Variants in PSG5 observed in about 807,000 individuals in gnomAD.
The protein encoded by PSG5 is pregnancy specific beta-1-glycoprotein 5, also known as pregnancy-specific beta-1-glycoprotein 5.
A neutral mutation model predicts 37.7 loss-of-function variants in PSG5; 53 were observed. The observed-to-expected ratio is 1.41, with a 90% confidence interval of 1.13 to 1.77. The LOEUF (loss-of-function observed/expected upper bound fraction) is 1.77, where lower values mean the gene tolerates loss of function less well. Among genes scored for constraint, PSG5 ranks in the 40% most tolerant of loss-of-function variants. The pLI is 0.00. For missense variants in PSG5, 547 were observed against 405.2 expected, an observed-to-expected ratio of 1.35 and a Z score of -3.00; for synonymous variants, 221 against 155.4, an observed-to-expected ratio of 1.42 and a Z score of -3.14.
At position 43,180,520 on chromosome 19, in the gene PSG5, C is replaced by G. The variant is rs555435297; in HGVS notation, c.430+4262G>C. ...TTTCAGATTGTGGATTTCTGGATTT[C>G]CGATGCTCAATTCGTAATACTGTAA... On this transcript the variant is annotated intron_variant, in intron 2 of 5. Coordinates refer to ENST00000342951, the MANE Select transcript of PSG5 (RefSeq NM_002781.4). The G allele has an allele frequency of 4.2e-4, 63 of 151,498 alleles. 1 individual carries two copies. Among genetic ancestry groups the G allele is most frequent in the African/African-American group, 1.4e-3 (57 of 41,140 alleles). The allele number at this position is 151,498 out of a possible 1,614,324, so 9.4% of individuals were successfully genotyped here.
chr19:43,172,487 T>C (rs1177351674), intron 4 of PSG5, among the ~76,000 whole-genome samples: 1 of 151,688 alleles, frequency 6.6e-6, no homozygotes, highest in East Asian at 1.9e-4. Flanking sequence ...ATGTAGAAAA[T>C]CCTAAAGGTG....
intron 2 of PSG5, 65 bp downstream of exon 2, chr19:43,184,717 C>T: frequency 6.2e-7 from 1 of 1,605,020 alleles, no homozygotes; most frequent in Non-Finnish European, 8.5e-7. Context: ...CCTGACAATC[C>T]TGTGTGTGTG....
At chr19:43,170,261 T>A (rs2122197794) in intron 4 of PSG5, 123 bp from the exon 5 acceptor site, 1 of 957,022 alleles carries the variant, frequency 1.0e-6, no homozygotes, top group Non-Finnish European at 1.5e-6. Context: ...ACATTATTCC[T>A]CTTGGGAAAT....
intron 2 of PSG5, among the ~76,000 whole-genome samples, chr19:43,184,064 C>T (rs1969189971): frequency 6.6e-6 from 1 of 151,732 alleles, no homozygotes; most frequent in Admixed American, 6.6e-5. Flanking sequence ...CAAGCTGCTA[C>T]CAGGTACATC....
At chr19:43,169,330 A>G (rs557691412) in intron 5 of PSG5, among the ~76,000 whole-genome samples, 5 of 151,780 alleles carry the variant, frequency 3.3e-5, no homozygotes, top group Admixed American at 2.0e-4. Context: ...TCAGGTTCAC[A>G]TGTTAATCCT....
Position 43,172,225 on chromosome 19 carries a change from G to A in PSG5, c.965-2087C>T, listed in dbSNP as rs186954895. On this transcript the variant is annotated intron_variant, in intron 4 of 5. Transcript: ENST00000342951. ...TTTTTTCATAATGAAAACATCCTAA[G>A]AATAGAAGGAAACCACCTCAACATA... Among the ~76,000 whole-genome samples, 295 of 151,420 alleles carry A rather than the reference G, an allele frequency of 1.9e-3. 7 individuals carry two copies. The highest frequency in any genetic ancestry group is 3.5e-3 in the Non-Finnish European group (237 of 67,840).
rs1968976951 is a variant in PSG5 at position 43,175,099 on chromosome 19, T to A, written c.964+116A>T. The A allele has an allele frequency of 6.3e-6, 10 of 1,594,530 alleles. 1 individual carries two copies. The highest frequency in any genetic ancestry group is 8.5e-6 in the Non-Finnish European group (10 of 1,171,870). ...AAGGGTTCAGGAGGAGAATTTGGGA[T>A]TTGCTTGTGCCCATGGGACACAGGC... On this transcript the variant is annotated intron_variant, in intron 4 of 5. Transcript: ENST00000342951.
At chr19:43,176,539 C>A (rs558478621) in intron 2 of PSG5, among the ~76,000 whole-genome samples, 2 of 151,656 alleles carry the variant, frequency 1.3e-5, no homozygotes, top group African/African-American at 2.4e-5. Flanking sequence ...CTTTGTCCCC[C>A]TATATGTGAT....
chr19:43,176,073 C>A lies in PSG5; in HGVS notation c.506G>T (p.Cys169Phe). Residue 169 changes from cysteine to phenylalanine, a missense_variant, in exon 3 of 6, where the codon TGT becomes TTT. Transcript: ENST00000342951. ...RENKDVLAFT[C>F]EPKSENYTYI... is the part of the protein sequence containing the mutation. Reference sequence around the variant, plus strand: ...GGTGTAGTTCTCACTCTTAGGTTCACAGGTGAAGGCTAAGACATCCTTATT... The same window carrying A: ...GGTGTAGTTCTCACTCTTAGGTTCAAAGGTGAAGGCTAAGACATCCTTATT... 4 of 1,610,978 alleles carry A rather than the reference C, an allele frequency of 2.5e-6. No individual in the cohort carries two copies. Among genetic ancestry groups the A allele is most frequent in the Non-Finnish European group, 3.4e-6 (4 of 1,179,160 alleles).
At chr19:43,177,512 T>G (rs1969035840) in intron 2 of PSG5, among the ~76,000 whole-genome samples, 1 of 151,570 alleles carries the variant, frequency 6.6e-6, no homozygotes, top group African/African-American at 2.4e-5. Context: ...CTGCCCTTTT[T>G]TTTTTTTATC....
At position 43,176,165 on chromosome 19, in the gene PSG5, G is replaced by A. The variant is rs1420985421; in HGVS notation, c.431-17C>T. 5 of 1,610,258 alleles carry A rather than the reference G, an allele frequency of 3.1e-6. No homozygotes were observed. In the Admixed American group the frequency reaches 8.4e-5, roughly 27 times the overall value. On this transcript the variant is annotated splice_polypyrimidine_tract_variant and intron_variant, in intron 2 of 5. Transcript: ENST00000342951. Reference sequence around the variant, plus strand: ...GCAGCTTCACTGTGTGGATAACAGAGAGAAGATTGTCCTGTGTGGCACCTT... The same window carrying A: ...GCAGCTTCACTGTGTGGATAACAGAAAGAAGATTGTCCTGTGTGGCACCTT...
intron 4 of PSG5, among the ~76,000 whole-genome samples, chr19:43,171,864 T>G (rs1460458560): frequency 6.7e-6 from 1 of 150,344 alleles, no homozygotes; most frequent in Non-Finnish European, 1.5e-5. Flanking sequence ...CATAGCATCT[T>G]GGGAGGCTGA....
chr19:43,180,388 G>A (rs1432204946), intron 2 of PSG5: 3 of 151,584 alleles, frequency 2.0e-5, no homozygotes, highest in Non-Finnish European at 2.9e-5. Context: ...TGCAGTACAT[G>A]TACTGGTTTA....
At position 43,186,429 on chromosome 19, in the gene PSG5, C is replaced by G. The variant is rs769687260; in HGVS notation, c.-24G>C. The G allele has an allele frequency of 1.2e-6, 2 of 1,611,434 alleles. No individual in the cohort carries two copies. Among genetic ancestry groups the G allele is most frequent in the Non-Finnish European group, 8.5e-7 (1 of 1,178,434 alleles). ...ATGGTCTCTGCGCCTGCGTGTTCTC[C>G]TCTGTGGAGCTGAGCCTAGGATCCA... On this transcript the variant is annotated 5_prime_UTR_variant, in exon 1 of 6. Transcript: ENST00000342951.
rs200887046 is a variant in PSG5 at position 43,175,921 on chromosome 19, G to A, written c.658C>T (p.Arg220Trp). The A allele has an allele frequency of 5.3e-5, 85 of 1,612,328 alleles. 3 individuals are homozygous for A. The highest frequency in any genetic ancestry group is 4.5e-5 in the East Asian group (2 of 44,882). The change falls in exon 3 of 6, where the codon CGG becomes TGG. Residue 220 changes from arginine to tryptophan, a missense_variant. By Grantham distance (101) the Arg-to-Trp change is moderately radical. Coordinates refer to ENST00000342951, the MANE Select transcript of PSG5 (RefSeq NM_002781.4). ...CTGCGCATGCCACCATCTCGGTCCC[G>A]TATTTCACATTCATAGGGTCCTGTT... Reference protein sequence around the residue: ...NETGPYECEIRDRDGGMRSDP... With the variant: ...NETGPYECEIWDRDGGMRSDP...
intron 2 of PSG5, among the ~76,000 whole-genome samples, chr19:43,181,608 G>A (rs752591389): frequency 3.3e-5 from 5 of 151,564 alleles, no homozygotes; most frequent in African/African-American, 7.3e-5. Context: ...ACAGGCATCC[G>A]CCACCACGCC....
Position 43,170,093 on chromosome 19 carries a change from T to G in PSG5, c.*2A>C. The G allele has an allele frequency of 6.3e-7, 1 of 1,582,784 alleles. No individual in the cohort carries two copies. The highest frequency in any genetic ancestry group is 8.6e-7 in the Non-Finnish European group (1 of 1,156,488). Reference sequence around the variant, plus strand: ...TGAAATACAGAAATGACTTCACGGCTGCTATATTGGATTAAGGAGAGGAAG... The same window carrying G: ...TGAAATACAGAAATGACTTCACGGCGGCTATATTGGATTAAGGAGAGGAAG... On this transcript the variant is annotated 3_prime_UTR_variant, in exon 5 of 6. Transcript: ENST00000342951.
intron 5 of PSG5, among the ~76,000 whole-genome samples, chr19:43,169,746 T>G (rs2355432): frequency 6.6e-5 from 10 of 151,698 alleles, no homozygotes; most frequent in East Asian, 3.9e-4. Context: ...TATGGGAGTG[T>G]AGAGAATTAC....
chr19:43,179,572 C>T lies in PSG5; in HGVS notation c.431-3424G>A, dbSNP rs1415338920. Among the ~76,000 whole-genome samples the T allele has an allele frequency of 1.3e-5, 2 of 151,748 alleles. 1 individual carries two copies. Among genetic ancestry groups the T allele is most frequent in the Non-Finnish European group, 2.9e-5 (2 of 67,938 alleles). On this transcript the variant is annotated intron_variant, in intron 2 of 5. Transcript: ENST00000342951. The stretch of plus-strand genomic sequence containing the variant: ...GAGGTATGTTTTCTCTGCAGCTTCC[C>T]TTGCCAAGGACATCCTAGAGATGGA...
Sources: gnomAD v4.1 joint callset for allele counts (sites outside exome capture counted in the v4.1 genomes callset) on GRCh38, gnomAD v4.1.1 for gene constraint, MANE v1.5 for transcripts, NCBI Gene and HGNC (gene_info 2026-07-23, HGNC 2026-07-21) for gene names.